PDSS2: variants seen among roughly 807,000 people sequenced by gnomAD.
PDSS2 encodes the protein all trans-polyprenyl-diphosphate synthase PDSS2.
A neutral mutation model predicts 44.5 loss-of-function variants in PDSS2; 31 were observed. The ratio of observed to expected loss-of-function variants is 0.70; its 90% CI spans 0.52 to 0.94. PDSS2 has a LOEUF of 0.94. Among genes scored for constraint, PDSS2 ranks in the 40% least tolerant of loss-of-function variants. The pLI is 0.00. For synonymous variants in PDSS2, 157 were observed against 180.3 expected (o/e 0.87, Z 1.03); for missense variants, 452 against 482.2 (o/e 0.94, Z 0.59).
At chr6:107,325,209 T>C (rs181354982) in intron 2 of PDSS2, among the ~76,000 whole-genome samples, 4 of 152,294 alleles carry the variant, frequency 2.6e-5, no homozygotes, top group Non-Finnish European at 5.9e-5. Context: ...GATCTGTAAT[T>C]TGATTTTAAG....
intron 7 of PDSS2, among the ~76,000 whole-genome samples, chr6:107,166,872 G>A (rs1554247622): frequency 6.6e-6 from 1 of 152,120 alleles, no homozygotes; most frequent in African/African-American, 2.4e-5. Flanking sequence ...TGCTGGATTT[G>A]GTTTGCCAGT....
chr6:107,186,476 G>GT (rs34710642), intron 7 of PDSS2, among the ~76,000 whole-genome samples: 47,348 of 150,300 alleles, frequency 0.32, 8,096 homozygotes, highest in Non-Finnish European at 0.39. Flanking sequence ...TAATTATATA[G>GT]TTTTTTTTTT....
At chr6:107,164,802 A>G (rs9384652) in intron 7 of PDSS2, among the ~76,000 whole-genome samples, 105,355 of 151,970 alleles carry the variant, frequency 0.69, 36,915 homozygotes, top group African/African-American at 0.74. Flanking sequence ...AAGTGTTCCT[A>G]TTTCTCCACA....
chr6:107,338,307 A>C (rs1340091638), intron 1 of PDSS2, among the ~76,000 whole-genome samples: 2 of 152,204 alleles, frequency 1.3e-5, no homozygotes, highest in Non-Finnish European at 2.9e-5. Flanking sequence ...GGACACTGAC[A>C]AGCTGTGGCA....
intron 2 of PDSS2, among the ~76,000 whole-genome samples, chr6:107,277,978 AAAATAAAT>A (rs531298621): frequency 6.0e-5 from 9 of 150,474 alleles, no homozygotes; most frequent in Non-Finnish European, 1.0e-4. Flanking sequence ...ATGAATAAAT[AAAATAAAT>A]AAATAAATAA....
At chr6:107,315,168 C>G (rs1377487349) in intron 2 of PDSS2, among the ~76,000 whole-genome samples, 1 of 152,028 alleles carries the variant, frequency 6.6e-6, no homozygotes, top group African/African-American at 2.4e-5. Context: ...ATAGCAAACC[C>G]ACATTTATCA....
chr6:107,444,968 C>G (rs892646902), intron 1 of PDSS2, among the ~76,000 whole-genome samples: 2 of 151,978 alleles, frequency 1.3e-5, no homozygotes, highest in African/African-American at 4.8e-5. Context: ...AAATTTAATC[C>G]TAAAAGCCAA....
At chr6:107,279,893 G>A (rs118115061) in intron 2 of PDSS2, among the ~76,000 whole-genome samples, 2 of 152,122 alleles carry the variant, frequency 1.3e-5, no homozygotes. Context: ...AGCATTGACA[G>A]TATGAAAAAA....
At chr6:107,275,042 C>A (rs1325702318) in intron 2 of PDSS2, among the ~76,000 whole-genome samples, 1 of 152,056 alleles carries the variant, frequency 6.6e-6, no homozygotes, top group Non-Finnish European at 1.5e-5. Flanking sequence ...TGGTTTCTTC[C>A]TTCAAGGACT....
chr6:107,284,898 T>C (rs1197848938), intron 2 of PDSS2, among the ~76,000 whole-genome samples: 1 of 152,154 alleles, frequency 6.6e-6, no homozygotes, highest in Admixed American at 6.6e-5. Flanking sequence ...ATAACTCAAT[T>C]AACAGGTTAA....
intron 6 of PDSS2, among the ~76,000 whole-genome samples, chr6:107,208,904 C>T (rs1037145803): frequency 6.6e-6 from 1 of 151,924 alleles, no homozygotes; most frequent in African/African-American, 2.4e-5. Flanking sequence ...TGAAAGAGTC[C>T]TTAGTTTTCT....
chr6:107,421,806 GAACA>G (rs1375538994), intron 1 of PDSS2, among the ~76,000 whole-genome samples: 1 of 64,020 alleles, frequency 1.6e-5, no homozygotes, highest in East Asian at 3.4e-4. Flanking sequence ...AAATTTCACA[GAACA>G]CACACACACA....
At chr6:107,168,711 G>C (rs1771445486) in intron 7 of PDSS2, among the ~76,000 whole-genome samples, 1 of 151,040 alleles carries the variant, frequency 6.6e-6, no homozygotes, top group African/African-American at 2.4e-5. Flanking sequence ...GTCTGTAAAG[G>C]ATTTTATTTC....
chr6:107,287,531 ATTTTT>A (rs1262090347), intron 2 of PDSS2, among the ~76,000 whole-genome samples: 1 of 151,734 alleles, frequency 6.6e-6, no homozygotes, highest in Non-Finnish European at 1.5e-5. Flanking sequence ...TTTTCATTTT[ATTTTT>A]TTTGAGATGG....
At position 107,154,691 on chromosome 6, in the gene PDSS2, C is replaced by T; in HGVS notation, c.1128G>A (p.Leu376=). The T allele has an allele frequency of 6.2e-7, 1 of 1,614,132 alleles. No homozygotes were observed. The highest frequency in any genetic ancestry group is 1.7e-5 in the Admixed American group (1 of 60,004). ...TGGCCTCCGAGGGAGGAAAGCTCTC[C>T]AGGGCCTCCAGTGCCTTGTTTCCAT... ...RYHGNKALEA[L]ESFPPSEARS... The change falls in exon 8 of 8, where the codon CTG becomes CTA. Residue 376 remains leucine, a synonymous_variant. Transcript: ENST00000369037.
chr6:107,317,666 T>C lies in PDSS2; in HGVS notation c.431+16532A>G, dbSNP rs72939838. 3.1e-3 allele frequency among the ~76,000 whole-genome samples: 473 copies of C among 152,284 alleles called. 1 individual carries two copies. In the Middle Eastern group the frequency reaches 0.051, roughly 16 times the overall value. ...GTTACATCTCCAACTCCTTATTCTA[T>C]GGATAAAAATAAAAGCTCCCAATAT... is the stretch of plus-strand genomic sequence containing the variant. On this transcript the variant is annotated intron_variant, in intron 2 of 7. Coordinates refer to ENST00000369037, the MANE Select transcript of PDSS2 (RefSeq NM_020381.4).
At chr6:107,350,104 C>T (rs534475916) in intron 1 of PDSS2, among the ~76,000 whole-genome samples, 4 of 152,250 alleles carry the variant, frequency 2.6e-5, no homozygotes, top group East Asian at 1.9e-4. Flanking sequence ...ACATCTCAGG[C>T]GGGAAGATCA....
intron 1 of PDSS2, among the ~76,000 whole-genome samples, chr6:107,345,117 A>G (rs2115304879): frequency 6.6e-6 from 1 of 151,844 alleles, no homozygotes; most frequent in East Asian, 2.0e-4. Flanking sequence ...CCACTCAAGC[A>G]ATGACACTGG....
chr6:107,210,952 C>T (rs144124296), intron 5 of PDSS2, among the ~76,000 whole-genome samples: 1,595 of 150,306 alleles, frequency 0.011, 14 homozygotes, highest in Middle Eastern at 0.024. Context: ...GCCGAGATTG[C>T]GCCACTGCAC....
Sources: allele counts gnomAD v4.1 joint callset (sites outside exome capture counted in the v4.1 genomes callset), GRCh38; gene constraint gnomAD v4.1.1; transcripts MANE v1.5; gene names NCBI Gene and HGNC (gene_info 2026-07-23, HGNC 2026-07-21).